The following ADGRB3 variants were observed in gnomAD, a reference collection of about 807,000 sequenced individuals.
ADGRB3 encodes the protein adhesion G protein-coupled receptor B3, also known as brain-specific angiogenesis inhibitor 3.
ADGRB3 carries 37 observed loss-of-function variants against 193.4 expected under a neutral mutation model. The ratio of observed to expected loss-of-function variants is 0.19; its 90% confidence interval spans 0.15 to 0.25. ADGRB3 has a LOEUF of 0.25. Among genes scored for constraint, ADGRB3 ranks in the 10% least tolerant of loss-of-function variants. The pLI is 1.00. For missense variants in ADGRB3, 1,637 were observed against 1,852.9 expected (o/e 0.88, Z 2.14); for synonymous variants, 690 against 644.2 (o/e 1.07, Z -1.08).
chr6:69,009,028 TA>T (rs144454486), intron 11 of ADGRB3, among the ~76,000 whole-genome samples: 7 of 151,910 alleles, frequency 4.6e-5, no homozygotes, highest in African/African-American at 7.2e-5. Flanking sequence ...TGTTTTCTAT[TA>T]AAAAAAATCC....
chr6:68,989,412 T>G (rs965540268), intron 10 of ADGRB3, among the ~76,000 whole-genome samples: 1 of 152,120 alleles, frequency 6.6e-6, no homozygotes, highest in Non-Finnish European at 1.5e-5. Flanking sequence ...TGAAGAAAGA[T>G]TCAACCTTCT....
At chr6:68,788,930 A>G (rs1318110464) in intron 3 of ADGRB3, among the ~76,000 whole-genome samples, 1 of 151,990 alleles carries the variant, frequency 6.6e-6, no homozygotes, top group Non-Finnish European at 1.5e-5. Context: ...GTCTCTTTTG[A>G]ACTTTGTTGG....
chr6:69,064,795 T>G (rs1490250034), intron 16 of ADGRB3, among the ~76,000 whole-genome samples: 1 of 152,026 alleles, frequency 6.6e-6, no homozygotes, highest in African/African-American at 2.4e-5. Flanking sequence ...AAGGACATGT[T>G]AAAGGAAGCT....
At chr6:69,244,745 G>A (rs1766456967) in intron 20 of ADGRB3, among the ~76,000 whole-genome samples, 1 of 151,980 alleles carries the variant, frequency 6.6e-6, no homozygotes, top group Admixed American at 6.6e-5. Context: ...GTGATCTTAA[G>A]CATGACACCC....
chr6:68,916,842 G>A (rs140699151), intron 3 of ADGRB3, among the ~76,000 whole-genome samples: 136 of 152,260 alleles, frequency 8.9e-4, no homozygotes, highest in Non-Finnish European at 1.5e-3. Flanking sequence ...GAAGGTGTAG[G>A]CTGGGGCAGA....
intron 13 of ADGRB3, among the ~76,000 whole-genome samples, chr6:69,030,971 C>CTT (rs369590249): frequency 0.036 from 4,159 of 115,710 alleles, 1,048 homozygotes; most frequent in Middle Eastern, 0.06. Context: ...CTTTTCTTTT[C>CTT]TTTTCTTTTC....
intron 18 of ADGRB3, among the ~76,000 whole-genome samples, chr6:69,234,212 C>T (rs188666559): frequency 2.0e-5 from 3 of 152,080 alleles, no homozygotes; most frequent in African/African-American, 7.2e-5. Context: ...AAAGTGTATT[C>T]CTTCAAACTC....
intron 20 of ADGRB3, among the ~76,000 whole-genome samples, chr6:69,282,759 A>G (rs1039008584): frequency 6.6e-6 from 1 of 152,230 alleles, no homozygotes; most frequent in African/African-American, 2.4e-5. Context: ...TACACATTAA[A>G]TCAATACTCG....
chr6:68,790,125 G>A (rs1328532460), intron 3 of ADGRB3, among the ~76,000 whole-genome samples: 1 of 152,014 alleles, frequency 6.6e-6, no homozygotes, highest in Non-Finnish European at 1.5e-5. Flanking sequence ...AGAGTAGTTT[G>A]ATCATCTGAA....
chr6:68,943,342 A>G (rs118106146), intron 5 of ADGRB3, among the ~76,000 whole-genome samples: 406 of 152,250 alleles, frequency 2.7e-3, no homozygotes, highest in Middle Eastern at 0.014. Flanking sequence ...ATGCACTCTC[A>G]ATTTTCAGAT....
At chr6:68,726,645 A>G (rs1765678802) in intron 3 of ADGRB3, among the ~76,000 whole-genome samples, 1 of 151,650 alleles carries the variant, frequency 6.6e-6, no homozygotes, top group African/African-American at 2.4e-5. Flanking sequence ...AATAAAGGAT[A>G]CAAAATATTT....
At chr6:69,375,017 T>C (rs895565101) in intron 30 of ADGRB3, among the ~76,000 whole-genome samples, 1 of 152,046 alleles carries the variant, frequency 6.6e-6, no homozygotes, top group African/African-American at 2.4e-5. Flanking sequence ...GGCATGTAGG[T>C]TGGCTAATCT....
intron 8 of ADGRB3, among the ~76,000 whole-genome samples, chr6:68,962,841 G>A (rs1485156095): frequency 2.6e-5 from 4 of 152,050 alleles, no homozygotes; most frequent in Admixed American, 2.0e-4. Flanking sequence ...CCTGACATAT[G>A]AATGACCTAA....
At chr6:68,834,557 T>TA (rs986854073) in intron 3 of ADGRB3, among the ~76,000 whole-genome samples, 19 of 152,118 alleles carry the variant, frequency 1.2e-4, no homozygotes, top group African/African-American at 4.3e-4. Flanking sequence ...CAAAGCAACT[T>TA]AAAAAAATAG....
At chr6:69,285,167 A>G (rs985266612) in intron 20 of ADGRB3, among the ~76,000 whole-genome samples, 1 of 152,206 alleles carries the variant, frequency 6.6e-6, no homozygotes, top group Non-Finnish European at 1.5e-5. Flanking sequence ...CCAATGATCA[A>G]GAAGTCTAAA....
At chr6:68,971,766 T>A (rs1768577747) in intron 8 of ADGRB3, among the ~76,000 whole-genome samples, 1 of 152,238 alleles carries the variant, frequency 6.6e-6, no homozygotes, top group African/African-American at 2.4e-5. Flanking sequence ...ATTACATACT[T>A]ATTGAGGCTC....
chr6:69,121,439 T>G (rs1162525058), intron 17 of ADGRB3, among the ~76,000 whole-genome samples: 2 of 152,126 alleles, frequency 1.3e-5, no homozygotes, highest in Admixed American at 6.5e-5. Context: ...CTGATCTGTC[T>G]TTCTTTTCCC....
chr6:69,326,496 G>A (rs1459122151), intron 21 of ADGRB3, among the ~76,000 whole-genome samples: 1 of 151,996 alleles, frequency 6.6e-6, no homozygotes, highest in Non-Finnish European at 1.5e-5. Flanking sequence ...TTGAGGAGAG[G>A]GTTCACAGAC....
intron 24 of ADGRB3, among the ~76,000 whole-genome samples, chr6:69,336,971 CAGTT>C (rs1376644817): frequency 6.6e-6 from 1 of 152,092 alleles, no homozygotes; most frequent in Admixed American, 6.6e-5. Flanking sequence ...TAGTTTTTAA[CAGTT>C]AGCCCTGACT....
Sources: allele counts gnomAD v4.1 joint callset (sites outside exome capture counted in the v4.1 genomes callset), GRCh38; gene constraint gnomAD v4.1.1; transcripts MANE v1.5; gene names NCBI Gene and HGNC (gene_info 2026-07-23, HGNC 2026-07-21).